The following ODF2 variants were observed in gnomAD, a reference collection of about 807,000 sequenced individuals.
ODF2 encodes outer dense fiber protein 2.
Under a neutral mutation model 110.2 loss-of-function variants are expected in ODF2, and 47 were observed. That is an observed-to-expected ratio of 0.43 (90% CI 0.34 to 0.54). The LOEUF is 0.54. Among genes scored for constraint, ODF2 ranks in the 20% least tolerant of loss-of-function variants. The pLI is 0.03. For missense variants in ODF2, 812 were observed against 1,054.5 expected (o/e 0.77, Z 3.19); for synonymous variants, 352 against 397.7 (o/e 0.89, Z 1.37).
chr9:128,478,116 C>G (rs1841707341), intron 8 of ODF2, among the ~76,000 whole-genome samples: 1 of 152,172 alleles, frequency 6.6e-6, no homozygotes, highest in South Asian at 2.1e-4. Flanking sequence ...CCTGCCTCAA[C>G]TTCCTGAGTA....
intron 14 of ODF2, among the ~76,000 whole-genome samples, chr9:128,492,027 G>A (rs1255773193): frequency 1.3e-5 from 2 of 151,862 alleles, no homozygotes; most frequent in Non-Finnish European, 2.9e-5. Context: ...CACCACGCCC[G>A]GCTAATTTTT....
At chr9:128,455,935 G>A, upstream of ODF2, 1 of 1,401,950 alleles carries the variant, frequency 7.1e-7, no homozygotes, top group Non-Finnish European at 9.2e-7. Context: ...GCGAGACCCG[G>A]CCAGGCCCGC....
At chr9:128,483,858 C>A in intron 10 of ODF2, 80 bp from the exon 11 acceptor site, 1 of 989,898 alleles carries the variant, frequency 1.0e-6, no homozygotes, top group Non-Finnish European at 1.6e-6. Context: ...TGCACTCCAG[C>A]CTGGGAAACG....
At chr9:128,496,714 TTATC>T (rs56716979) in intron 18 of ODF2, among the ~76,000 whole-genome samples, 2,361 of 149,454 alleles carry the variant, frequency 0.016, 46 homozygotes, top group African/African-American at 0.052. Flanking sequence ...AAGGTAGAGT[TTATC>T]TATCTATCTA....
In ODF2 at chr9:128,456,342, C is replaced by T. The variant is rs900651092; in HGVS notation, c.-209+87C>T. 1.0e-5 allele frequency: 15 copies of T among 1,439,164 alleles called. 1 individual carries two copies. The South Asian group carries it at 2.1e-4, about 20-fold the overall frequency. 89.1% of individuals were successfully genotyped at this position (1,439,164 alleles called of 1,614,324 possible). A position where few individuals can be genotyped will look rare whatever the true frequency, so the allele number is the denominator to read the frequency against. On this transcript the variant is annotated intron_variant, in intron 1 of 20. Coordinates refer to ENST00000604420, the Ensembl canonical transcript of ODF2. ...CCTTCGCACCCCCGGCGCGGTCGAC[C>T]CCGCGGGGCCGTCGGGTCCTGGGTT...
intron 6 of ODF2, among the ~76,000 whole-genome samples, chr9:128,472,633 G>C (rs1412034670): frequency 6.6e-6 from 1 of 152,188 alleles, no homozygotes; most frequent in Non-Finnish European, 1.5e-5. Context: ...GACAGTGGAG[G>C]GGGGCAGTGC....
chr9:128,460,136 C>G (rs534594554), intron 3 of ODF2: 1 of 1,295,344 alleles, frequency 7.7e-7, no homozygotes, highest in Non-Finnish European at 1.0e-6. Flanking sequence ...TGTGTGTTTC[C>G]CACGCCAATC....
chr9:128,456,006 T>TGGCGG, upstream of ODF2: 1 of 1,420,358 alleles, frequency 7.0e-7, no homozygotes, highest in Non-Finnish European at 9.2e-7. Flanking sequence ...GCGGCCCTTC[T>TGGCGG]GGCGGGGCGG....
intron 2 of ODF2, among the ~76,000 whole-genome samples, chr9:128,457,980 AATACAT>A (rs1331631148): frequency 1.3e-5 from 2 of 151,038 alleles, no homozygotes; most frequent in Non-Finnish European, 2.9e-5. Context: ...ATCACGATGT[AATACAT>A]ATACAGCAAA....
intron 18 of ODF2, 119 bp from the exon 19 acceptor site, chr9:128,498,294 T>A (rs1845999646): frequency 1.4e-6 from 2 of 1,386,046 alleles, no homozygotes. Context: ...TTCCTGTGGC[T>A]CCTTGGAGAT....
At chr9:128,488,147 A>G (rs922120608) in intron 14 of ODF2, 122 bp downstream of exon 14, 2 of 1,179,510 alleles carry the variant, frequency 1.7e-6, no homozygotes, top group Non-Finnish European at 2.4e-6. Context: ...CCTGGATTTG[A>G]CCAGGCATGG....
chr9:128,472,053 G>C (rs1564480846), intron 6 of ODF2, among the ~76,000 whole-genome samples: 1 of 152,104 alleles, frequency 6.6e-6, no homozygotes, highest in Non-Finnish European at 1.5e-5. Flanking sequence ...AGCCAAGGCG[G>C]GCAAATCACA....
intron 13 of ODF2, 149 bp from the exon 14 acceptor site, chr9:128,487,741 C>T (rs1031046579): frequency 1.2e-5 from 10 of 827,602 alleles, no homozygotes; most frequent in East Asian, 2.9e-5. Flanking sequence ...GAGCCAAGAT[C>T]GCGCCACTGC....
rs1418114210 is a variant in ODF2 at position 128,494,286 on chromosome 9, G to C, written c.1753-224G>C. ...ATGCCTGGGTCTTGGTGTTTACTGT[G>C]TGGTTGCCATTGTTACGGGATAACT... On this transcript the variant is annotated intron_variant, in intron 16 of 20. Transcript: ENST00000604420. This position sits in a 1 kb window ranked among gnomAD's most constrained non-coding sequence, Gnocchi z 4.6. Among the ~76,000 whole-genome samples the C allele has an allele frequency of 6.6e-6, 1 of 152,206 alleles. No homozygotes were observed. Among genetic ancestry groups the C allele is most frequent in the Non-Finnish European group, 1.5e-5 (1 of 68,048 alleles).
chr9:128,457,021 C>G, intron 1 of ODF2: 1 of 1,276,356 alleles, frequency 7.8e-7, no homozygotes, highest in Admixed American at 3.1e-5. Flanking sequence ...GCGGTTCTCA[C>G]CCGCCCTCTC....
In ODF2 at chr9:128,459,415, G is replaced by C. The variant is rs540664697; in HGVS notation, c.33-152G>C. 4 of 618,200 alleles carry C rather than the reference G, an allele frequency of 6.5e-6. No individual in the cohort carries two copies. The African/African-American group carries it at 7.4e-5, about 11-fold the overall frequency. The allele number at this position is 618,200 out of a possible 1,614,324, so 38.3% of individuals were successfully genotyped here. Reference sequence around the variant, plus strand: ...CTGCTGGGCACACCACGCACATCTGGTGCTCATCTCAGGGGAGTCAAGGAA... The same window carrying C: ...CTGCTGGGCACACCACGCACATCTGCTGCTCATCTCAGGGGAGTCAAGGAA... On this transcript the variant is annotated intron_variant, in intron 2 of 20. Transcript: ENST00000604420.
At chr9:128,464,421 T>C (rs1314498888) in intron 4 of ODF2, among the ~76,000 whole-genome samples, 6 of 152,192 alleles carry the variant, frequency 3.9e-5, no homozygotes, top group Non-Finnish European at 8.8e-5. Context: ...CCCAAAGTGC[T>C]GGGATTACAG....
chr9:128,500,559 T>A, downstream of ODF2: 1 of 268,448 alleles, frequency 3.7e-6, no homozygotes, highest in Middle Eastern at 1.2e-3. Context: ...CTTCCTTTCC[T>A]GAGAAAATAT....
At chr9:128,481,818 C>T (rs896753378) in intron 9 of ODF2, among the ~76,000 whole-genome samples, 167 bp downstream of exon 9, 1 of 151,742 alleles carries the variant, frequency 6.6e-6, no homozygotes, top group African/African-American at 2.4e-5. Context: ...CACGCTTGTT[C>T]TGATAGGCTT....
Sources: gnomAD v4.1 joint callset for allele counts (sites outside exome capture counted in the v4.1 genomes callset) on GRCh38, gnomAD v4.1.1 for gene constraint, Gnocchi (gnomAD v3.1) non-coding constraint, MANE v1.5 for transcripts, NCBI Gene and HGNC (gene_info 2026-07-23, HGNC 2026-07-21) for gene names.